The following POU6F2 variants were observed in gnomAD, a reference collection of about 807,000 sequenced individuals.
POU6F2 encodes POU domain, class 6, transcription factor 2.
A neutral mutation model predicts 71.3 loss-of-function variants in POU6F2; 31 were observed. The observed-to-expected ratio is 0.43, with a 90% CI of 0.33 to 0.59. POU6F2 has a LOEUF of 0.59. POU6F2 is among the 20% of genes least tolerant of loss of function. The pLI is 0.04. For synonymous variants in POU6F2, 347 were observed against 355.7 expected (o/e 0.98, Z 0.27); for missense variants, 783 against 856.8 (o/e 0.91, Z 1.07).
intron 2 of POU6F2, among the ~76,000 whole-genome samples, chr7:39,098,802 C>G (rs1487372556): frequency 3.9e-5 from 6 of 152,178 alleles, no homozygotes; most frequent in African/African-American, 1.2e-4. Flanking sequence ...GGAATGTAAC[C>G]AGAGCTCAAT....
chr7:39,428,070 G>C (rs1788015561), intron 6 of POU6F2, among the ~76,000 whole-genome samples: 1 of 152,184 alleles, frequency 6.6e-6, no homozygotes, highest in Non-Finnish European at 1.5e-5. Context: ...TGAATTGCTG[G>C]GGTTTGCTAC....
At chr7:39,231,610 C>CTCTA (rs1370376683) in intron 4 of POU6F2, among the ~76,000 whole-genome samples, 4 of 152,104 alleles carry the variant, frequency 2.6e-5, no homozygotes, top group African/African-American at 4.8e-5. Flanking sequence ...TTAAGCGGGT[C>CTCTA]TCTATGACTG....
chr7:39,360,325 C>T (rs1401505285), intron 5 of POU6F2, among the ~76,000 whole-genome samples: 1 of 152,098 alleles, frequency 6.6e-6, no homozygotes, highest in Non-Finnish European at 1.5e-5. Context: ...CAAATACTTT[C>T]CAATGAATAT....
intron 1 of POU6F2, chr7:39,001,953 T>C (rs890302468): frequency 2.0e-5 from 3 of 152,128 alleles, no homozygotes; most frequent in Admixed American, 6.6e-5. Flanking sequence ...GGTGATGTGA[T>C]TTGTTGGTGA....
chr7:39,400,231 C>A (rs1787269283), intron 5 of POU6F2, among the ~76,000 whole-genome samples: 3 of 152,202 alleles, frequency 2.0e-5, no homozygotes, highest in Admixed American at 1.3e-4. Flanking sequence ...TTAAGAATAA[C>A]AAAAGATGTT....
chr7:39,095,362 G>T (rs907364033), intron 2 of POU6F2, among the ~76,000 whole-genome samples: 4 of 152,200 alleles, frequency 2.6e-5, no homozygotes, highest in Admixed American at 2.6e-4. Context: ...AAGCCAACTG[G>T]AATCTGCAGG....
intron 1 of POU6F2, among the ~76,000 whole-genome samples, chr7:38,980,904 G>A (rs1176984836): frequency 6.6e-6 from 1 of 152,122 alleles, no homozygotes; most frequent in Non-Finnish European, 1.5e-5. Context: ...CCATGATCCA[G>A]CTCAGGACAC....
chr7:39,142,116 T>C (rs1215563781), intron 2 of POU6F2, among the ~76,000 whole-genome samples: 2 of 151,618 alleles, frequency 1.3e-5, no homozygotes, highest in African/African-American at 4.8e-5. Flanking sequence ...AAAAAAACAA[T>C]ATTGTCACAC....
intron 2 of POU6F2, among the ~76,000 whole-genome samples, chr7:39,103,141 G>A (rs1393893617): frequency 6.6e-6 from 1 of 152,238 alleles, no homozygotes; most frequent in African/African-American, 2.4e-5. Flanking sequence ...AAGTTAGACA[G>A]AATTGGTCCC....
intron 4 of POU6F2, among the ~76,000 whole-genome samples, chr7:39,311,769 G>A (rs921614515): frequency 6.6e-6 from 1 of 152,090 alleles, no homozygotes; most frequent in Non-Finnish European, 1.5e-5. Context: ...GTAAAATAAA[G>A]GGACAAAGTA....
At chr7:39,297,404 C>T (rs1181564180) in intron 4 of POU6F2, among the ~76,000 whole-genome samples, 5 of 152,120 alleles carry the variant, frequency 3.3e-5, no homozygotes, top group Admixed American at 6.6e-5. Context: ...CAAGTGATGA[C>T]GTGGGCCACG....
rs1789010203 is a variant in POU6F2, at chr7:39,464,042, T to C, written c.1659-140T>C. On this transcript the variant is annotated intron_variant, in intron 9 of 9. Coordinates refer to ENST00000518318, the MANE Select transcript of POU6F2 (RefSeq NM_001370959.1). The surrounding 1 kb of genome is among the most constrained non-coding windows in gnomAD (Gnocchi z 4.1). ...GCACGCTGGGAGGGTGGGCGCTGGCTTGGGCAGGGCTGGCTACCTTGCAGC... is the reference window on the plus strand; with the variant it reads ...GCACGCTGGGAGGGTGGGCGCTGGCCTGGGCAGGGCTGGCTACCTTGCAGC... The C allele has an allele frequency of 1.8e-6, 2 of 1,129,790 alleles. No individual in the cohort carries two copies. The highest frequency in any genetic ancestry group is 4.5e-5 in the Admixed American group (2 of 44,814). 70.0% of individuals were successfully genotyped at this position (1,129,790 alleles called of 1,614,324 possible). A position where few individuals can be genotyped will look rare whatever the true frequency, so the allele number is the denominator to read the frequency against.
Position 39,331,187 on chromosome 7 carries a change from A to T in POU6F2, c.599-8455A>T, listed in dbSNP as rs567399110. Among the ~76,000 whole-genome samples the T allele has an allele frequency of 2.6e-5, 4 of 152,332 alleles. No homozygotes were observed. The East Asian group carries it at 7.7e-4, about 29-fold the overall frequency. On this transcript the variant is annotated intron_variant, in intron 4 of 9. Coordinates refer to ENST00000518318, the MANE Select transcript of POU6F2 (RefSeq NM_001370959.1). ...CTTTATCCATTCACAGTTGCTGGAC[A>T]CTTAGGTTGATTCCATATCTTGGCT...
At chr7:39,343,404 T>G (rs1462059847) in intron 5 of POU6F2, among the ~76,000 whole-genome samples, 1 of 135,738 alleles carries the variant, frequency 7.4e-6, no homozygotes, top group Non-Finnish European at 1.6e-5. Context: ...AAAAACATGA[T>G]CTAGGTAAAA....
chr7:39,380,700 C>T (rs777773034), intron 5 of POU6F2, among the ~76,000 whole-genome samples: 10 of 152,144 alleles, frequency 6.6e-5, no homozygotes, highest in Non-Finnish European at 1.0e-4. Flanking sequence ...AATATCTGTA[C>T]GGAGGCAAAG....
intron 5 of POU6F2, among the ~76,000 whole-genome samples, chr7:39,371,457 G>C (rs904447660): frequency 1.3e-5 from 2 of 152,152 alleles, no homozygotes; most frequent in African/African-American, 4.8e-5. Flanking sequence ...GGGATTACAG[G>C]TGTGAGCCAC....
At chr7:39,259,211 G>A (rs1310386935) in intron 4 of POU6F2, among the ~76,000 whole-genome samples, 1 of 152,162 alleles carries the variant, frequency 6.6e-6, no homozygotes, top group Non-Finnish European at 1.5e-5. Context: ...TTAAGCGGCA[G>A]CTGATTTTTG....
At chr7:39,190,305 G>T (rs939019956) in intron 2 of POU6F2, among the ~76,000 whole-genome samples, 2 of 149,594 alleles carry the variant, frequency 1.3e-5, no homozygotes, top group African/African-American at 4.9e-5. Flanking sequence ...TGATAGACTT[G>T]CATATAATAC....
At chr7:39,007,327 G>A (rs535748428) in intron 1 of POU6F2, among the ~76,000 whole-genome samples, 1 of 152,200 alleles carries the variant, frequency 6.6e-6, no homozygotes, top group South Asian at 2.1e-4. Flanking sequence ...GCAATTAGGA[G>A]GCTTAAAGTA....
Sources: gnomAD v4.1 joint callset for allele counts (sites outside exome capture counted in the v4.1 genomes callset) on GRCh38, gnomAD v4.1.1 for gene constraint, Gnocchi (gnomAD v3.1) non-coding constraint, MANE v1.5 for transcripts, NCBI Gene and HGNC (gene_info 2026-07-23, HGNC 2026-07-21) for gene names.